The following RAD54B variants were observed in gnomAD, a reference collection of about 807,000 sequenced individuals.
RAD54B encodes RAD54 homolog B.
Under a neutral mutation model 95.8 loss-of-function variants are expected in RAD54B, and 78 were observed. That is an observed-to-expected ratio of 0.81 (90% CI 0.68 to 0.98). The LOEUF is 0.98. Ranked by LOEUF, RAD54B falls within the 50% of genes least tolerant of loss-of-function variation. The probability of loss-of-function intolerance (pLI) is 0.00; values close to 1 mark genes in which losing one functional copy is unlikely to be tolerated. For missense variants in RAD54B, 957 were observed against 1,056.6 expected, an observed-to-expected ratio of 0.91 and a Z score of 1.31; for synonymous variants, 328 against 354.9, an observed-to-expected ratio of 0.92 and a Z score of 0.85.
At chr8:94,456,519 A>C (rs764242915) in intron 3 of RAD54B, among the ~76,000 whole-genome samples, 1 of 152,212 alleles carries the variant, frequency 6.6e-6, no homozygotes, top group Non-Finnish European at 1.5e-5. Flanking sequence ...AGGGGAGTGC[A>C]TCTACATAGA....
intron 6 of RAD54B, among the ~76,000 whole-genome samples, chr8:94,402,464 G>A (rs1298762258): frequency 6.6e-6 from 1 of 152,080 alleles, no homozygotes; most frequent in African/African-American, 2.4e-5. Flanking sequence ...ATGTTAGCCA[G>A]GCTAGTCTTG....
At chr8:94,385,880 T>C (rs1810878480) in intron 11 of RAD54B, among the ~76,000 whole-genome samples, 1 of 152,190 alleles carries the variant, frequency 6.6e-6, no homozygotes, top group Non-Finnish European at 1.5e-5. Context: ...TTGGTATGAC[T>C]GGACCACATG....
At chr8:94,430,594 C>T (rs1586164291) in intron 3 of RAD54B, 2 of 605,430 alleles carry the variant, frequency 3.3e-6, no homozygotes, top group Non-Finnish European at 4.1e-6. Flanking sequence ...TCAAGTGATG[C>T]TGATGCTGCT....
At position 94,467,568 on chromosome 8, in the gene RAD54B, CA is replaced by C. The variant is rs1813059399; in HGVS notation, c.-16-14del. On this transcript the variant is annotated splice_polypyrimidine_tract_variant and intron_variant, in intron 1 of 14. Transcript: ENST00000336148. Reference sequence around the variant, plus strand: ...CAGCAGTCGTGACCTGAAAAATACCCAAAACAGTTAACTATCCACGAATCTA... The same window carrying C: ...CAGCAGTCGTGACCTGAAAAATACCCAAACAGTTAACTATCCACGAATCTA... The C allele has an allele frequency of 6.3e-7, 1 of 1,594,636 alleles. No homozygotes were observed. The highest frequency in any genetic ancestry group is 8.5e-7 in the Non-Finnish European group (1 of 1,174,170).
chr8:94,442,770 G>A (rs541246182), intron 3 of RAD54B, among the ~76,000 whole-genome samples: 1 of 151,982 alleles, frequency 6.6e-6, no homozygotes, highest in Non-Finnish European at 1.5e-5. Flanking sequence ...TAAAATCTTA[G>A]GACCCCAAAC....
chr8:94,414,022 G>C lies in RAD54B; in HGVS notation c.305-2707C>G, dbSNP rs570582704. Among the ~76,000 whole-genome samples the C allele has an allele frequency of 2.0e-5, 3 of 152,080 alleles. No homozygotes were observed. In the South Asian group the frequency reaches 6.2e-4, roughly 32 times the overall value. On this transcript the variant is annotated intron_variant, in intron 3 of 14. Coordinates refer to ENST00000336148, the MANE Select transcript of RAD54B (RefSeq NM_012415.3). Reference sequence around the variant, plus strand: ...AGCTGATTTTTGTACTTTTAGCAGAGACGGGGTTTCACCAGGTTGGCCAGG... The same window carrying C: ...AGCTGATTTTTGTACTTTTAGCAGACACGGGGTTTCACCAGGTTGGCCAGG...
intron 8 of RAD54B, among the ~76,000 whole-genome samples, chr8:94,396,605 T>C (rs12674614): frequency 0.25 from 37,735 of 151,958 alleles, 5,577 homozygotes; most frequent in East Asian, 0.44. Flanking sequence ...CTTGTAGATA[T>C]TCATCACCAC....
chr8:94,452,426 T>C (rs1812678076), intron 3 of RAD54B, among the ~76,000 whole-genome samples: 1 of 152,250 alleles, frequency 6.6e-6, no homozygotes. Context: ...CAACTAGTAC[T>C]GAAACATTAC....
chr8:94,458,192 T>A, intron 3 of RAD54B, 76 bp downstream of exon 3: 1 of 1,341,646 alleles, frequency 7.5e-7, no homozygotes, highest in Non-Finnish European at 1.0e-6. Context: ...AACATATTCA[T>A]TCTTAAAACA....
At chr8:94,402,993 C>T (rs1468936531) in intron 6 of RAD54B, among the ~76,000 whole-genome samples, 1 of 152,076 alleles carries the variant, frequency 6.6e-6, no homozygotes, top group Admixed American at 6.6e-5. Flanking sequence ...GATTCACAGA[C>T]CAACTGAGAT....
At chr8:94,420,568 C>G (rs1217618436) in intron 3 of RAD54B, among the ~76,000 whole-genome samples, 2 of 151,964 alleles carry the variant, frequency 1.3e-5, no homozygotes, top group Non-Finnish European at 2.9e-5. Context: ...TAATAAACTC[C>G]TTTCTCCACA....
intron 3 of RAD54B, among the ~76,000 whole-genome samples, chr8:94,451,447 T>C (rs1812654946): frequency 1.3e-5 from 2 of 152,094 alleles, no homozygotes; most frequent in South Asian, 4.1e-4. Flanking sequence ...TAAATATAGA[T>C]GGAATGAGAA....
chr8:94,399,493 C>A lies in RAD54B; in HGVS notation c.1299G>T (p.Gly433=), dbSNP rs747301724. 5 of 1,613,532 alleles carry A rather than the reference C, an allele frequency of 3.1e-6. No homozygotes were observed. Residue 433 remains glycine, a synonymous_variant, in exon 8 of 15, where the codon GGG becomes GGT. Coordinates refer to ENST00000336148, the MANE Select transcript of RAD54B (RefSeq NM_012415.3). ...TAATGGCACTGTTCTTCAAACGATG[C>A]CCCTCGTCACAGATTAGAAGATCAA... ...IKFDLLICDE[G]HRLKNSAIKT...
chr8:94,380,135 A>G lies in RAD54B; in HGVS notation c.2247+10T>C. ...TCAATAATATCTATTTAATGCATAA[A>G]TATTCCTACCTGAATGTCAGTGGCT... On this transcript the variant is annotated intron_variant, in intron 12 of 14. Transcript: ENST00000336148. 1 of 1,599,754 alleles carries G rather than the reference A, an allele frequency of 6.3e-7. No individual in the cohort carries two copies. The highest frequency in any genetic ancestry group is 8.5e-7 in the Non-Finnish European group (1 of 1,170,598).
intron 1 of RAD54B, among the ~76,000 whole-genome samples, chr8:94,473,826 T>C (rs958401834): frequency 6.6e-6 from 1 of 152,212 alleles, no homozygotes. Flanking sequence ...TTTCACTTCA[T>C]GCCTTAAATT....
At chr8:94,423,531 C>G (rs969641824) in intron 3 of RAD54B, among the ~76,000 whole-genome samples, 3 of 152,146 alleles carry the variant, frequency 2.0e-5, no homozygotes, top group African/African-American at 7.2e-5. Context: ...ACCATAATTT[C>G]TACCAAATGA....
chr8:94,402,314 C>A (rs1811285501), intron 6 of RAD54B, among the ~76,000 whole-genome samples: 1 of 150,632 alleles, frequency 6.6e-6, no homozygotes. Flanking sequence ...AGTGCAGTGG[C>A]GCTATCTTGG....
At chr8:94,459,967 G>A (rs1410186506) in intron 2 of RAD54B, among the ~76,000 whole-genome samples, 1 of 149,796 alleles carries the variant, frequency 6.7e-6, no homozygotes, top group Non-Finnish European at 1.5e-5. Context: ...GACCAACCTG[G>A]CTAACATGGT....
intron 11 of RAD54B, among the ~76,000 whole-genome samples, chr8:94,381,127 T>TAA (rs35744651): frequency 6.7e-6 from 1 of 150,318 alleles, no homozygotes; most frequent in African/African-American, 2.4e-5. Flanking sequence ...CCCTGTCTTT[T>TAA]AAAAAAAAAA....
Sources: allele counts gnomAD v4.1 joint callset (sites outside exome capture counted in the v4.1 genomes callset), GRCh38; gene constraint gnomAD v4.1.1; transcripts MANE v1.5; gene names NCBI Gene and HGNC (gene_info 2026-07-23, HGNC 2026-07-21).